Variants in CLDN5 observed in about 807,000 individuals in gnomAD.
CLDN5 encodes the protein claudin-5.
Under a neutral mutation model 1.3 loss-of-function variants are expected in CLDN5, and 4 were observed. The observed-to-expected ratio is 3.07, with a 90% CI of 1.51 to 7.03. The LOEUF (loss-of-function observed/expected upper bound fraction) is 7.03, where lower values mean the gene tolerates loss of function less well. Among genes scored for constraint, CLDN5 ranks in the 30% most tolerant of loss-of-function variants. The probability of loss-of-function intolerance (pLI) is 0.00; values close to 1 mark genes in which losing one functional copy is unlikely to be tolerated. For missense variants in CLDN5, 225 were observed against 303.5 expected (o/e 0.74, Z 1.92); for synonymous variants, 156 against 152.3 (o/e 1.02, Z -0.18).
Position 19,523,683 on chromosome 22 carries a change from A to G in CLDN5, c.573T>C (p.Arg191=). Residue 191 remains arginine, a synonymous_variant, in exon 1 of 1, where the codon CGT becomes CGC. Coordinates refer to ENST00000618236, the MANE Select transcript of CLDN5 (RefSeq NM_001363066.2). ...LCCGAWVCTG[R]PDLSFPVKYS... is the part of the protein sequence containing the mutation. ...ACTTCACGGGGAAGCTGAGGTCGGG[A>G]CGGCCGGTGCAGACCCAGGCGCCGC... 1 of 1,607,606 alleles carries G rather than the reference A, an allele frequency of 6.2e-7. No individual in the cohort carries two copies. The highest frequency in any genetic ancestry group is 8.5e-7 in the Non-Finnish European group (1 of 1,179,350).
At chr22:19,524,784 G>A (rs1602014622), upstream of CLDN5, 1 of 1,235,062 alleles carries the variant, frequency 8.1e-7, no homozygotes, top group African/African-American at 1.6e-5. Context: ...TGAGCCGGGT[G>A]GTCTCTTCCA....
At chr22:19,524,467 G>T (rs899978261), upstream of CLDN5, 2 of 1,432,816 alleles carry the variant, frequency 1.4e-6, no homozygotes, top group African/African-American at 3.0e-5. Flanking sequence ...TGTCCCCCGG[G>T]CCCGGCCCCC....
chr22:19,524,439 A>G (rs1934187236), upstream of CLDN5: 3 of 1,442,636 alleles, frequency 2.1e-6, no homozygotes, highest in Non-Finnish European at 2.7e-6. Flanking sequence ...CCCTCTTTGA[A>G]GGTTCGGGGG....
At chr22:19,524,672 G>C, upstream of CLDN5, 1 of 1,314,078 alleles carries the variant, frequency 7.6e-7, no homozygotes, top group East Asian at 3.1e-5. Flanking sequence ...GCTGGCCTAG[G>C]GCGCGCTTCT....
chr22:19,524,425 G>A (rs1425227068), upstream of CLDN5: 3 of 1,447,804 alleles, frequency 2.1e-6, no homozygotes, highest in South Asian at 1.5e-5. Flanking sequence ...CCTGCCGGGG[G>A]GTACCCTCTT....
chr22:19,524,431 C>T, upstream of CLDN5: 1 of 1,445,882 alleles, frequency 6.9e-7, no homozygotes, highest in Non-Finnish European at 9.1e-7. Flanking sequence ...GGGGGGTACC[C>T]TCTTTGAAGG....
chr22:19,523,601 A>C lies in CLDN5; in HGVS notation c.655T>G (p.Ter219GlyextTer19). The change falls in exon 1 of 1, where the codon TGA (stop) becomes GGA (glycine). Residue 219 changes from the stop codon to glycine (G), a stop_lost. Coordinates refer to ENST00000618236, the MANE Select transcript of CLDN5 (RefSeq NM_001363066.2). Reference sequence around the variant, plus strand: ...GGGCCCGGCCGTGCCCAGCGCCCTCAGACGTAGTTCTTCTTGTCGTAGTCG... The same window carrying C: ...GGGCCCGGCCGTGCCCAGCGCCCTCCGACGTAGTTCTTCTTGTCGTAGTCG... ...TGDYDKKNYV[*>G] The C allele has an allele frequency of 6.3e-7, 1 of 1,582,244 alleles. No individual in the cohort carries two copies. Among genetic ancestry groups the C allele is most frequent in the Non-Finnish European group, 8.6e-7 (1 of 1,166,678 alleles).
Position 19,524,009 on chromosome 22 carries a change from G to T in CLDN5, c.247C>A (p.Leu83Ile). The change falls in exon 1 of 1, where the codon CTC becomes ATC. Residue 83 changes from leucine to isoleucine, a missense_variant. By Grantham distance (5) the Leu-to-Ile change is conservative. This residue lies in a region of CLDN5 where 165 missense variants were observed against 211.9 expected (regional missense o/e 0.78). Transcript: ENST00000618236. Reference protein sequence around the residue: ...LSTEVQAARALTVSAVLLAFV... With the variant: ...LSTEVQAARAITVSAVLLAFV... ...GCCAGCAGCACGGCGCTCACGGTGA[G>T]CGCCCGCGCCGCCTGCACCTCGGTG... 6.3e-7 allele frequency: 1 copy of T among 1,591,838 alleles called. No individual in the cohort carries two copies. Among genetic ancestry groups the T allele is most frequent in the Non-Finnish European group, 8.5e-7 (1 of 1,175,326 alleles).
chr22:19,524,537 T>C, upstream of CLDN5: 1 of 1,397,472 alleles, frequency 7.2e-7, no homozygotes, highest in Non-Finnish European at 9.3e-7. Context: ...ACAGAGCCTC[T>C]GGCAGCTGAA....
In CLDN5 at chr22:19,523,339, A is replaced by C; in HGVS notation, c.*260T>G. ...CCTCAGTCTGACACCCGCTCTGCCT[A>C]TGGAAACAGCGCCGCGCACAGAAAA... is the stretch of plus-strand genomic sequence containing the variant. On this transcript the variant is annotated 3_prime_UTR_variant, in exon 1 of 1. Transcript: ENST00000618236. The C allele has an allele frequency of 2.0e-6, 1 of 496,614 alleles. No individual in the cohort carries two copies. The highest frequency in any genetic ancestry group is 3.1e-5 in the South Asian group (1 of 32,512). 30.8% of individuals were successfully genotyped at this position (496,614 alleles called of 1,614,324 possible). A position where few individuals can be genotyped will look rare whatever the true frequency, so the allele number is the denominator to read the frequency against.
upstream of CLDN5, chr22:19,524,770 C>T: frequency 2.4e-6 from 3 of 1,242,830 alleles, no homozygotes; most frequent in Non-Finnish European, 3.0e-6. Context: ...CCCACATCCC[C>T]GACTGAGCCG....
In CLDN5 at chr22:19,523,925, C is replaced by A; in HGVS notation, c.331G>T (p.Gly111Cys). 6.3e-7 allele frequency: 1 copy of A among 1,597,898 alleles called. No individual in the cohort carries two copies. The highest frequency in any genetic ancestry group is 1.1e-5 in the South Asian group (1 of 90,112). ...GAQCTTCVAP[G>C]PAKARVALTG... is the part of the protein sequence containing the mutation. ...AGGGCCACACGCGCCTTGGCCGGGC[C>A]CGGGGCCACGCAGGTGGTGCACTGC... Residue 111 changes from glycine (G) to cysteine (C), a missense_variant, in exon 1 of 1, where the codon GGC (glycine) becomes TGC (cysteine). Coordinates refer to ENST00000618236, the MANE Select transcript of CLDN5 (RefSeq NM_001363066.2).
Position 19,523,333 on chromosome 22 carries a change from C to G in CLDN5, c.*266G>C. On this transcript the variant is annotated 3_prime_UTR_variant, in exon 1 of 1. Coordinates refer to ENST00000618236, the MANE Select transcript of CLDN5 (RefSeq NM_001363066.2). ...CGAAATCCTCAGTCTGACACCCGCT[C>G]TGCCTATGGAAACAGCGCCGCGCAC... 1 of 480,782 alleles carries G rather than the reference C, an allele frequency of 2.1e-6. No individual in the cohort carries two copies. The highest frequency in any genetic ancestry group is 3.4e-5 in the South Asian group (1 of 29,058). The allele number at this position is 480,782 out of a possible 1,614,324, so 29.8% of individuals were successfully genotyped here. A position where few individuals can be genotyped will look rare whatever the true frequency, so the allele number is the denominator to read the frequency against.
chr22:19,523,563 TG>T lies in CLDN5; in HGVS notation c.*35del. On this transcript the variant is annotated 3_prime_UTR_variant, in exon 1 of 1. Coordinates refer to ENST00000618236, the MANE Select transcript of CLDN5 (RefSeq NM_001363066.2). ...AGGCTTATCCAACGCCTCGCAGGCG[TG>T]GCTGGCAGGAGGGGCCCGGCCGTGC... 1 of 1,524,240 alleles carries T rather than the reference TG, an allele frequency of 6.6e-7. No individual in the cohort carries two copies. Among genetic ancestry groups the T allele is most frequent in the Non-Finnish European group, 8.7e-7 (1 of 1,143,196 alleles). 94.4% of individuals were successfully genotyped at this position (1,524,240 alleles called of 1,614,324 possible).
At chr22:19,524,444 C>CG (rs1934187370), upstream of CLDN5, 1 of 1,440,886 alleles carries the variant, frequency 6.9e-7, no homozygotes, top group East Asian at 2.7e-5. Context: ...TTTGAAGGTT[C>CG]GGGGGCGGAT....
upstream of CLDN5, chr22:19,525,287 A>C (rs1212544557): frequency 1.0e-6 from 1 of 999,718 alleles, no homozygotes; most frequent in Non-Finnish European, 1.2e-6. Context: ...ACCCAGGGGC[A>C]GTGGTGGCCC....
chr22:19,525,074 C>T (rs544105142), upstream of CLDN5: 43 of 1,001,136 alleles, frequency 4.3e-5, no homozygotes, highest in African/African-American at 7.1e-4. Context: ...GAGCCTGAGT[C>T]TCTGGCAAAA....
chr22:19,523,625 C>T lies in CLDN5; in HGVS notation c.631G>A (p.Asp211Asn). 1.3e-6 allele frequency: 2 copies of T among 1,598,216 alleles called. No individual in the cohort carries two copies. The highest frequency in any genetic ancestry group is 8.5e-7 in the Non-Finnish European group (1 of 1,175,140). ...CAGACGTAGTTCTTCTTGTCGTAGT[C>T]GCCGGTGGCCGTGGGCCGCCGCGGC... ...SAPRRPTATG[D>N]YDKKNYV Residue 211 changes from aspartate (D) to asparagine (N), a missense_variant, in exon 1 of 1, where the codon GAC becomes AAC. Transcript: ENST00000618236.
At chr22:19,524,472 G>T (rs955318109), upstream of CLDN5, 15 of 1,432,128 alleles carry the variant, frequency 1.0e-5, no homozygotes, top group African/African-American at 1.5e-5. Context: ...CCCGGGCCCG[G>T]CCCCCCGGCC....
Sources: allele counts gnomAD v4.1 joint callset, GRCh38; gene constraint gnomAD v4.1.1; regional missense constraint gnomAD v4.1.1; transcripts MANE v1.5; gene names NCBI Gene and HGNC (gene_info 2026-07-23, HGNC 2026-07-21).